SCHIP1: variants seen among roughly 807,000 people sequenced by gnomAD.
SCHIP1 encodes the protein schwannomin-interacting protein 1.
A neutral mutation model predicts 29.7 loss-of-function variants in SCHIP1; 8 were observed. The observed-to-expected ratio is 0.27, with a 90% confidence interval of 0.16 to 0.49. The LOEUF (loss-of-function observed/expected upper bound fraction) is 0.49. Among genes scored for constraint, SCHIP1 ranks in the 20% least tolerant of loss-of-function variants. The pLI, the probability that SCHIP1 is intolerant of heterozygous loss-of-function variation, is 0.99. For synonymous variants in SCHIP1, 76 were observed against 94.9 expected (o/e 0.80, Z 1.16); for missense variants, 193 against 294.6 (o/e 0.66, Z 2.52).
chr3:159,397,467 C>A, the SCHIP1 span, among the ~76,000 whole-genome samples: 2 of 152,064 alleles, frequency 1.3e-5, no homozygotes, highest in African/African-American at 4.8e-5. Context: ...TACTTTTGGT[C>A]TTTGATGATG....
chr3:159,497,123 A>T, the SCHIP1 span, among the ~76,000 whole-genome samples: 1 of 151,956 alleles, frequency 6.6e-6, no homozygotes, highest in African/African-American at 2.4e-5. Context: ...GGGGAGGGAT[A>T]GCATTAGGAG....
At chr3:159,360,915 CTT>C in the SCHIP1 span, among the ~76,000 whole-genome samples, 1 of 152,320 alleles carries the variant, frequency 6.6e-6, no homozygotes, top group Non-Finnish European at 1.5e-5. Context: ...CCATCAGCTG[CTT>C]TCTGGTGCCA....
chr3:159,281,566 T>C, the SCHIP1 span, among the ~76,000 whole-genome samples: 1 of 152,188 alleles, frequency 6.6e-6, no homozygotes, highest in Non-Finnish European at 1.5e-5. Context: ...TACAAATCTG[T>C]GCTGTGTCAG....
chr3:159,276,047 G>T, the SCHIP1 span, among the ~76,000 whole-genome samples: 2 of 152,194 alleles, frequency 1.3e-5, no homozygotes, highest in Admixed American at 6.5e-5. Context: ...AGGATGCTTT[G>T]CAGGGTGGCT....
At chr3:159,458,504 A>C in the SCHIP1 span, among the ~76,000 whole-genome samples, 11 of 151,862 alleles carry the variant, frequency 7.2e-5, no homozygotes, top group Non-Finnish European at 1.2e-4. Context: ...TGGACTCAGC[A>C]TGGGCAATTT....
At chr3:159,401,335 A>G in the SCHIP1 span, 1 of 964,286 alleles carries the variant, frequency 1.0e-6, no homozygotes, top group Non-Finnish European at 1.2e-6. Context: ...TCTTTGAGGC[A>G]TCTAGACTAA....
At chr3:159,572,335 GGTTT>G in the SCHIP1 span, among the ~76,000 whole-genome samples, 1,942 of 151,208 alleles carry the variant, frequency 0.013, 46 homozygotes, top group African/African-American at 0.045. Flanking sequence ...TGTTCTCATT[GGTTT>G]CAAAGAACAT....
At chr3:159,399,130 G>C in the SCHIP1 span, among the ~76,000 whole-genome samples, 48 of 144,090 alleles carry the variant, frequency 3.3e-4, no homozygotes, top group African/African-American at 1.2e-3. Flanking sequence ...TGTTTCGTCT[G>C]CTTGGAATGT....
At chr3:159,652,410 T>C in the SCHIP1 span, among the ~76,000 whole-genome samples, 3 of 152,126 alleles carry the variant, frequency 2.0e-5, no homozygotes, top group Non-Finnish European at 4.4e-5. Flanking sequence ...CACTACAAAT[T>C]TTCAGGTTTT....
the SCHIP1 span, among the ~76,000 whole-genome samples, chr3:159,589,957 T>C: frequency 6.6e-6 from 1 of 152,182 alleles, no homozygotes; most frequent in Admixed American, 6.5e-5. Flanking sequence ...GTAGGGTGGC[T>C]AGATAAAATA....
chr3:159,808,995 T>C, the SCHIP1 span, among the ~76,000 whole-genome samples: 7 of 150,688 alleles, frequency 4.6e-5, no homozygotes, highest in South Asian at 4.2e-4. Context: ...CTTTTTTTTT[T>C]TTTTATTATA....
the SCHIP1 span, among the ~76,000 whole-genome samples, chr3:159,792,832 T>C: frequency 1.3e-5 from 2 of 152,216 alleles, no homozygotes; most frequent in African/African-American, 4.8e-5. Flanking sequence ...GGGTTGGGTG[T>C]AGAGATGTGT....
At chr3:159,428,199 T>C in the SCHIP1 span, among the ~76,000 whole-genome samples, 19 of 145,120 alleles carry the variant, frequency 1.3e-4, no homozygotes, top group South Asian at 4.4e-4. Context: ...ACAAATGGGA[T>C]CTAATTAAAC....
At chr3:159,464,777 ATC>A in the SCHIP1 span, among the ~76,000 whole-genome samples, 5 of 152,170 alleles carry the variant, frequency 3.3e-5, no homozygotes, top group African/African-American at 4.8e-5. Context: ...ATCCAAACTC[ATC>A]TGTTTGCTTT....
chr3:159,823,419 T>C, the SCHIP1 span, among the ~76,000 whole-genome samples: 1 of 152,206 alleles, frequency 6.6e-6, no homozygotes, highest in Admixed American at 6.5e-5. Context: ...GAAGCAGTTA[T>C]GCTTAAACTC....
chr3:159,855,411 C>T (rs866936517), intron 1 of SCHIP1, among the ~76,000 whole-genome samples: 52 of 152,128 alleles, frequency 3.4e-4, no homozygotes, highest in African/African-American at 1.1e-3. Context: ...CTAATTTTTT[C>T]GCTAATATTT....
the SCHIP1 span, among the ~76,000 whole-genome samples, chr3:159,335,500 C>A: frequency 1.6e-4 from 24 of 152,246 alleles, no homozygotes; most frequent in Admixed American, 7.2e-4. Context: ...CACTCCCCCC[C>A]AGTCCACAAC....
chr3:159,692,219 G>A, the SCHIP1 span, among the ~76,000 whole-genome samples: 1 of 151,918 alleles, frequency 6.6e-6, no homozygotes, highest in South Asian at 2.1e-4. Flanking sequence ...TGCTCTTCTC[G>A]AGGAGTATCT....
chr3:159,539,821 A>G, the SCHIP1 span, among the ~76,000 whole-genome samples: 7 of 86,808 alleles, frequency 8.1e-5, 2 homozygotes, highest in African/African-American at 2.3e-4. Flanking sequence ...ACCAGATAGG[A>G]AAACAAATAT....
Sources: gnomAD v4.1 joint callset for allele counts (sites outside exome capture counted in the v4.1 genomes callset) on GRCh38, gnomAD v4.1.1 for gene constraint, MANE v1.5 for transcripts, NCBI Gene and HGNC (gene_info 2026-07-23, HGNC 2026-07-21) for gene names.